The following TDRD1 variants were observed in gnomAD, a reference collection of about 807,000 sequenced individuals.
TDRD1 encodes the protein tudor domain containing 1, also known as tudor domain-containing protein 1.
Under a neutral mutation model 140.6 loss-of-function variants are expected in TDRD1, and 37 were observed. The ratio of observed to expected loss-of-function variants is 0.26; its 90% CI spans 0.20 to 0.35. TDRD1 has a LOEUF of 0.35. TDRD1 is among the 10% of genes least tolerant of loss of function. TDRD1 has a pLI of 1.00. For synonymous variants in TDRD1, 506 were observed against 475.7 expected, an observed-to-expected ratio of 1.06 and a Z score of -0.83; for missense variants, 1,243 against 1,393.0, an observed-to-expected ratio of 0.89 and a Z score of 1.71.
chr10:114,230,946 A>G (rs1409859558), intron 25 of TDRD1, among the ~76,000 whole-genome samples: 1 of 152,176 alleles, frequency 6.6e-6, no homozygotes, highest in African/African-American at 2.4e-5. Flanking sequence ...GTGCACCTGT[A>G]GTCCCAGCTA....
At chr10:114,206,002 A>C (rs1269267708) in intron 10 of TDRD1, among the ~76,000 whole-genome samples, 1 of 152,144 alleles carries the variant, frequency 6.6e-6, no homozygotes, top group African/African-American at 2.4e-5. Context: ...GTACTCACAA[A>C]AATTTTAAAA....
chr10:114,192,600 A>G (rs1289677021), intron 3 of TDRD1, among the ~76,000 whole-genome samples: 1 of 151,976 alleles, frequency 6.6e-6, no homozygotes, highest in Admixed American at 6.6e-5. Context: ...GCCACCAGAT[A>G]GTTTTACTTC....
intron 22 of TDRD1, among the ~76,000 whole-genome samples, chr10:114,226,543 C>T (rs1348521147): frequency 6.6e-6 from 1 of 152,090 alleles, no homozygotes; most frequent in East Asian, 1.9e-4. Context: ...GGGTGTCTGA[C>T]CTCTCATTTG....
At chr10:114,177,655 G>GT (rs1184300530), upstream of TDRD1, among the ~76,000 whole-genome samples, 4 of 152,152 alleles carry the variant, frequency 2.6e-5, no homozygotes, top group Non-Finnish European at 5.9e-5. Flanking sequence ...AAAAGGGACA[G>GT]TAGGTAAAAA....
intron 15 of TDRD1, 146 bp from the exon 16 acceptor site, chr10:114,213,831 A>T (rs532995986): frequency 1.4e-6 from 1 of 739,556 alleles, no homozygotes; most frequent in Non-Finnish European, 2.2e-6. Context: ...AATTTATTGT[A>T]AGACTGACTT....
chr10:114,214,258 A>T, intron 16 of TDRD1, 144 bp downstream of exon 16: 1 of 669,900 alleles, frequency 1.5e-6, no homozygotes, highest in South Asian at 2.3e-5. Context: ...AGATTTGGTT[A>T]TACTTAGTTA....
chr10:114,224,083 G>A (rs1204435095), intron 21 of TDRD1, among the ~76,000 whole-genome samples: 5 of 152,100 alleles, frequency 3.3e-5, no homozygotes, highest in Non-Finnish European at 7.3e-5. Context: ...CCAGTATTTG[G>A]GTGGATCCTG....
intron 23 of TDRD1, among the ~76,000 whole-genome samples, chr10:114,227,500 T>C (rs2036505785): frequency 6.6e-6 from 1 of 152,234 alleles, no homozygotes; most frequent in Non-Finnish European, 1.5e-5. Flanking sequence ...CAGATAGTCC[T>C]TAGATCAGAC....
chr10:114,201,982 CTCTG>C (rs1358160702), intron 5 of TDRD1, among the ~76,000 whole-genome samples: 2 of 152,276 alleles, frequency 1.3e-5, no homozygotes, highest in African/African-American at 2.4e-5. Flanking sequence ...GAGATATTCT[CTCTG>C]TCTGTCTCCC....
At chr10:114,214,030 C>G in exon 16 of TDRD1, 1 of 1,613,510 alleles carries the variant, frequency 6.2e-7, no homozygotes, top group Non-Finnish European at 8.5e-7. Context: ...ATGGGTTGAA[C>G]TTGGTGTTGA....
exon 14 of TDRD1, chr10:114,211,868 G>T: frequency 6.6e-7 from 1 of 1,520,796 alleles, no homozygotes; most frequent in Non-Finnish European, 8.7e-7. Flanking sequence ...TTTTTCAGAG[G>T]ATGATCAGTG....
At position 114,221,479 on chromosome 10, in the gene TDRD1, A is replaced by C. The variant is rs751892162; in HGVS notation, c.2890+3A>C. The C allele has an allele frequency of 6.8e-6, 11 of 1,610,516 alleles. No individual in the cohort carries two copies. Among genetic ancestry groups the C allele is most frequent in the Non-Finnish European group, 7.6e-6 (9 of 1,178,890 alleles). ...TGCTCTACCAAAAGGGATGCCAGGT[A>C]AGAAACCAAAATTTGAGACATATTT... On this transcript the variant is annotated splice_donor_region_variant and intron_variant, in intron 20 of 25. Transcript: ENST00000251864.
chr10:114,208,800 A>T (rs1342501822), intron 11 of TDRD1, among the ~76,000 whole-genome samples: 2 of 149,818 alleles, frequency 1.3e-5, no homozygotes, highest in Non-Finnish European at 3.0e-5. Context: ...TTTGAGACAG[A>T]GTCTCGCTCT....
At chr10:114,197,661 CTTTT>C (rs58887319) in intron 3 of TDRD1, among the ~76,000 whole-genome samples, 2 of 134,186 alleles carry the variant, frequency 1.5e-5, no homozygotes, top group African/African-American at 2.9e-5. Flanking sequence ...TATTATGAGA[CTTTT>C]TTTTTTTTTT....
At chr10:114,227,741 A>G (rs192331660) in intron 23 of TDRD1, among the ~76,000 whole-genome samples, 169 bp from the exon 24 acceptor site, 1 of 152,326 alleles carries the variant, frequency 6.6e-6, no homozygotes. Context: ...AATGTGGTCA[A>G]ATCCAGACCA....
At chr10:114,214,511 C>G (rs879917733) in intron 16 of TDRD1, among the ~76,000 whole-genome samples, 9 of 152,068 alleles carry the variant, frequency 5.9e-5, no homozygotes, top group Non-Finnish European at 1.3e-4. Flanking sequence ...GGCAGCAGAG[C>G]TAGACCGTGT....
rs1162820157 is a variant in TDRD1, at chr10:114,198,704, T to A, written c.385-469T>A. Among the ~76,000 whole-genome samples the A allele has an allele frequency of 2.0e-5, 3 of 152,150 alleles. No individual in the cohort carries two copies. The East Asian group carries it at 5.8e-4, about 29-fold the overall frequency. On this transcript the variant is annotated intron_variant, in intron 3 of 25. Coordinates refer to ENST00000251864, the Ensembl canonical transcript of TDRD1. ...GTTGGCCAGGCTGGAGTGCAGTGGCTGTTCACAGGCACTATCATAGCTCGC... is the reference window on the plus strand; with the variant it reads ...GTTGGCCAGGCTGGAGTGCAGTGGCAGTTCACAGGCACTATCATAGCTCGC...
At chr10:114,221,210 T>C in intron 19 of TDRD1, 147 bp from the exon 20 acceptor site, 1 of 891,274 alleles carries the variant, frequency 1.1e-6, no homozygotes, top group South Asian at 1.6e-5. Flanking sequence ...TAGATTGTTT[T>C]GTGAAAAAAT....
exon 9 of TDRD1, chr10:114,204,106 G>A: frequency 6.2e-7 from 1 of 1,607,112 alleles, no homozygotes; most frequent in South Asian, 1.1e-5. Context: ...AAACGTTGAT[G>A]TGCAGCAAAA....
Sources: gnomAD v4.1 joint callset for allele counts (sites outside exome capture counted in the v4.1 genomes callset) on GRCh38, gnomAD v4.1.1 for gene constraint, MANE v1.5 for transcripts, NCBI Gene and HGNC (gene_info 2026-07-23, HGNC 2026-07-21) for gene names.